The following INAVA variants were observed in gnomAD, a reference collection of about 807,000 sequenced individuals.
The protein encoded by INAVA is innate immunity activator protein.
Under a neutral mutation model 55.3 loss-of-function variants are expected in INAVA, and 32 were observed. The ratio of observed to expected loss-of-function variants is 0.58; its 90% CI spans 0.44 to 0.78. The LOEUF is 0.78. Among genes scored for constraint, INAVA ranks in the 30% least tolerant of loss-of-function variants. The pLI, the probability that INAVA is intolerant of heterozygous loss-of-function variation, is 0.00. For missense variants in INAVA, 756 were observed against 786.4 expected, an observed-to-expected ratio of 0.96 and a Z score of 0.46; for synonymous variants, 294 against 329.4, an observed-to-expected ratio of 0.89 and a Z score of 1.16.
intron 3 of INAVA, 44 bp downstream of exon 3, chr1:200,899,641 G>A: frequency 6.2e-7 from 1 of 1,602,010 alleles, no homozygotes; most frequent in Non-Finnish European, 8.5e-7. Context: ...TTCATCTCAG[G>A]AGCTGTGGAG....
At chr1:200,897,615 G>C (rs971288921) in intron 1 of INAVA, among the ~76,000 whole-genome samples, 1 of 152,122 alleles carries the variant, frequency 6.6e-6, no homozygotes, top group Non-Finnish European at 1.5e-5. Context: ...GTCCCATAAA[G>C]ATGTCTTCCC....
At chr1:200,894,886 G>T, upstream of INAVA, 2 of 985,666 alleles carry the variant, frequency 2.0e-6, no homozygotes, top group South Asian at 4.7e-5. Context: ...CAAGTAACCT[G>T]GTTCCCCTGG....
At chr1:200,901,777 C>A (rs1013782167) in intron 5 of INAVA, among the ~76,000 whole-genome samples, 3 of 152,168 alleles carry the variant, frequency 2.0e-5, no homozygotes, top group African/African-American at 7.2e-5. Context: ...CATGTCTGTT[C>A]TCTGCCCTCC....
intron 1 of INAVA, among the ~76,000 whole-genome samples, chr1:200,895,740 C>G (rs1668333915): frequency 6.6e-6 from 1 of 152,118 alleles, no homozygotes; most frequent in Non-Finnish European, 1.5e-5. Context: ...CCTTCTTGGC[C>G]TGACATTGAC....
At chr1:200,910,643 G>T (rs754515331) in intron 8 of INAVA, among the ~76,000 whole-genome samples, 1 of 152,164 alleles carries the variant, frequency 6.6e-6, no homozygotes, top group African/African-American at 2.4e-5. Flanking sequence ...GTATAGTGGC[G>T]CAATCTTTGC....
At chr1:200,913,104 C>T (rs879698771) in intron 9 of INAVA, among the ~76,000 whole-genome samples, 7 of 152,216 alleles carry the variant, frequency 4.6e-5, no homozygotes, top group Non-Finnish European at 8.8e-5. Flanking sequence ...GTCCCTCCCC[C>T]ACCCACGGTT....
At chr1:200,896,312 C>A (rs963499176) in intron 1 of INAVA, among the ~76,000 whole-genome samples, 2 of 151,154 alleles carry the variant, frequency 1.3e-5, no homozygotes, top group Non-Finnish European at 3.0e-5. Context: ...CCTCTGGCTG[C>A]ACCCTGCTCT....
At chr1:200,912,627 G>A (rs1238685594) in intron 9 of INAVA, among the ~76,000 whole-genome samples, 6 of 152,120 alleles carry the variant, frequency 3.9e-5, no homozygotes, top group Admixed American at 2.0e-4. Flanking sequence ...TGGCATCAGA[G>A]TTAAGAGCAC....
upstream of INAVA, among the ~76,000 whole-genome samples, chr1:200,893,414 C>T (rs1347462075): frequency 1.3e-5 from 2 of 152,228 alleles, no homozygotes; most frequent in Non-Finnish European, 2.9e-5. Flanking sequence ...CACCAACCCC[C>T]ACCTGGAGCT....
Position 200,907,878 on chromosome 1 carries a change from C to G in INAVA, c.565C>G (p.Leu189Val). ...CAGCTCCCTGTCAGATGGGCTCCTC[C>G]TGGAGGAAGGTGAGAAGGACGTTTG... ...DDSSLSDGLL[L>V]EEEESQVPKP... Residue 189 changes from leucine (L) to valine (V), a missense_variant, in exon 6 of 10, where the codon CTG (leucine) becomes GTG (valine). Physicochemically the swap from Leu to Val is conservative, Grantham distance 32. Transcript: ENST00000413687. 1 of 1,612,516 alleles carries G rather than the reference C, an allele frequency of 6.2e-7. No homozygotes were observed. The highest frequency in any genetic ancestry group is 8.5e-7 in the Non-Finnish European group (1 of 1,178,830).
intron 8 of INAVA, among the ~76,000 whole-genome samples, chr1:200,910,510 G>T (rs1249398625): frequency 6.6e-6 from 1 of 152,190 alleles, no homozygotes; most frequent in Admixed American, 6.5e-5. Flanking sequence ...AGCTTAAATT[G>T]GCTGGTCAGG....
At chr1:200,900,789 C>T (rs996306959) in intron 4 of INAVA, 148 bp from the exon 5 acceptor site, 12 of 583,946 alleles carry the variant, frequency 2.1e-5, no homozygotes, top group East Asian at 1.2e-4. Context: ...CTCTGCTCCA[C>T]GTCCGTCCAT....
At chr1:200,894,632 G>A (rs1452856101), upstream of INAVA, among the ~76,000 whole-genome samples, 2 of 152,154 alleles carry the variant, frequency 1.3e-5, no homozygotes, top group Admixed American at 1.3e-4. Context: ...CCAGGGTCAG[G>A]ACAGGAGGGC....
chr1:200,905,240 AT>A (rs760145676), intron 5 of INAVA, among the ~76,000 whole-genome samples: 1 of 152,036 alleles, frequency 6.6e-6, no homozygotes, highest in African/African-American at 2.4e-5. Flanking sequence ...CTGGGTAAAG[AT>A]TTTTTCATTA....
In INAVA at chr1:200,908,714, TC is replaced by T. The variant is rs1489963494; in HGVS notation, c.575-15del. On this transcript the variant is annotated splice_polypyrimidine_tract_variant and intron_variant, in intron 6 of 9. Coordinates refer to ENST00000413687, the MANE Select transcript of INAVA (RefSeq NM_001142569.3). ...CCCCAGCCTCTGGCCTTACCAGGTT[TC>T]TTTTACTCCTGCAGAGGAATCCCAA... is the stretch of plus-strand genomic sequence containing the variant. The T allele has an allele frequency of 6.5e-7, 1 of 1,532,636 alleles. No individual in the cohort carries two copies. Among genetic ancestry groups the T allele is most frequent in the Non-Finnish European group, 8.8e-7 (1 of 1,140,648 alleles). The allele number at this position is 1,532,636 out of a possible 1,614,324, so 94.9% of individuals were successfully genotyped here. A position where few individuals can be genotyped will look rare whatever the true frequency, so the allele number is the denominator to read the frequency against.
Position 200,909,331 on chromosome 1 carries a change from A to G in INAVA, c.893A>G (p.Gln298Arg), listed in dbSNP as rs754429248. 49 of 1,611,442 alleles carry G rather than the reference A, an allele frequency of 3.0e-5. No homozygotes were observed. The highest frequency in any genetic ancestry group is 4.0e-5 in the Non-Finnish European group (47 of 1,178,954). The change falls in exon 8 of 10, where the codon CAG (glutamine) becomes CGG (arginine). Residue 298 changes from glutamine to arginine, a missense_variant. By Grantham distance (43) the Gln-to-Arg change is conservative. Around this residue, in one of 2 missense-constraint regions of INAVA, gnomAD observed 639 missense variants for 624.3 expected, o/e 1.02. Coordinates refer to ENST00000413687, the MANE Select transcript of INAVA (RefSeq NM_001142569.3). ...VPIRGVPGQW[Q>R]GRTSAPATPE... ...ATCCGTGGTGTTCCTGGCCAGTGGC[A>G]GGGCCGCACCAGTGCCCCAGCCACC... is the stretch of plus-strand genomic sequence containing the variant.
chr1:200,911,584 C>T lies in INAVA; in HGVS notation c.1091C>T (p.Ala364Val). 1.2e-6 allele frequency: 2 copies of T among 1,613,956 alleles called. No homozygotes were observed. The highest frequency in any genetic ancestry group is 1.7e-6 in the Non-Finnish European group (2 of 1,179,952). ...ACCAAGCCCCCGCTGCCCCACGCCGCCTGCCACTCCTGCTCAGAAGACAGT... is the reference window on the plus strand; with the variant it reads ...ACCAAGCCCCCGCTGCCCCACGCCGTCTGCCACTCCTGCTCAGAAGACAGT... ...PATKPPLPHA[A>V]CHSCSEDSGS... Residue 364 changes from alanine to valine, a missense_variant, in exon 9 of 10, where the codon GCC becomes GTC. Physicochemically the swap from Ala to Val is moderately conservative, Grantham distance 64 (BLOSUM62 0). Transcript: ENST00000413687.
At chr1:200,893,330 T>C (rs1295182835), upstream of INAVA, among the ~76,000 whole-genome samples, 1 of 152,256 alleles carries the variant, frequency 6.6e-6, no homozygotes, top group Non-Finnish European at 1.5e-5. Flanking sequence ...TTGACTTTTT[T>C]AGTGATCTTC....
rs771427416 is a variant in INAVA at position 200,898,408 on chromosome 1, G to A, written c.8G>A (p.Ser3Asn). 1 of 1,614,096 alleles carries A rather than the reference G, an allele frequency of 6.2e-7. No individual in the cohort carries two copies. The highest frequency in any genetic ancestry group is 1.7e-5 in the Admixed American group (1 of 60,016). Residue 3 changes from serine to asparagine, a missense_variant, in exon 2 of 10, where the codon AGT becomes AAT. Ser to Asn is a conservative substitution (Grantham distance 46, BLOSUM62 1). Around this residue, in one of 2 missense-constraint regions of INAVA, gnomAD observed 639 missense variants for 624.3 expected, o/e 1.02. Transcript: ENST00000413687. Reference sequence around the variant, plus strand: ...TCCTTCCAGAAATCCACCATGGAGAGTAAGGATGAGGTCAGCGACACCGAC... The same window carrying A: ...TCCTTCCAGAAATCCACCATGGAGAATAAGGATGAGGTCAGCGACACCGAC... ME[S>N]KDEVSDTDSG...
Sources: allele counts gnomAD v4.1 joint callset (sites outside exome capture counted in the v4.1 genomes callset), GRCh38; gene constraint gnomAD v4.1.1; regional missense constraint gnomAD v4.1.1; transcripts MANE v1.5; gene names NCBI Gene and HGNC (gene_info 2026-07-23, HGNC 2026-07-21).